Variants in ARHGAP35 observed in about 807,000 individuals in gnomAD.
ARHGAP35 encodes Rho GTPase activating protein 35, also known as rho GTPase-activating protein 35.
In ARHGAP35, 15 loss-of-function variants were observed where a neutral mutation model predicts 111.1. That is an observed-to-expected ratio of 0.13 (90% CI 0.09 to 0.21). The LOEUF (loss-of-function observed/expected upper bound fraction) is 0.21. Ranked by LOEUF, ARHGAP35 falls within the 10% of genes least tolerant of loss-of-function variation. ARHGAP35 has a pLI of 1.00. For synonymous variants in ARHGAP35, 643 were observed against 710.3 expected (o/e 0.91, Z 1.51); for missense variants, 1,262 against 1,873.0 (o/e 0.67, Z 6.02).
chr19:46,896,316 G>A (rs1174064413), intron 1 of ARHGAP35, among the ~76,000 whole-genome samples: 2 of 152,196 alleles, frequency 1.3e-5, no homozygotes, highest in African/African-American at 4.8e-5. Context: ...GGAGGTCAAG[G>A]CTGCAGTGAG....
chr19:46,973,812 C>T (rs1599858091), intron 3 of ARHGAP35, among the ~76,000 whole-genome samples: 1 of 151,884 alleles, frequency 6.6e-6, no homozygotes, highest in Non-Finnish European at 1.5e-5. Context: ...ATGGTGAAAC[C>T]CCATCTCTAC....
rs1175804030 is a variant in ARHGAP35 at position 46,926,605 on chromosome 19, T to A, written c.3681+4249T>A. Among the ~76,000 whole-genome samples, 1 of 151,924 alleles carries A rather than the reference T, an allele frequency of 6.6e-6. No homozygotes were observed. Among genetic ancestry groups the A allele is most frequent in the Non-Finnish European group, 1.5e-5 (1 of 68,002 alleles). ...ACATTATTGGCTATTTACCCTTCTA[T>A]CTGATGTGTTCTTATTTTGGTGCTA... On this transcript the variant is annotated intron_variant, in intron 2 of 6. Coordinates refer to ENST00000672722, the MANE Select transcript of ARHGAP35 (RefSeq NM_004491.5). The surrounding 1 kb of genome is among the most constrained non-coding windows in gnomAD (Gnocchi z 4.1).
chr19:46,987,125 A>T (rs2056654639), intron 3 of ARHGAP35, among the ~76,000 whole-genome samples: 1 of 151,516 alleles, frequency 6.6e-6, no homozygotes, highest in Non-Finnish European at 1.5e-5. Flanking sequence ...AAGTGCTGGG[A>T]TTACAGGCGT....
chr19:46,873,356 G>T (rs1248138023), intron 1 of ARHGAP35, among the ~76,000 whole-genome samples: 1 of 152,096 alleles, frequency 6.6e-6, no homozygotes, highest in African/African-American at 2.4e-5. Flanking sequence ...AGCCGGCTGG[G>T]CATGGTGGCT....
rs933682050 is a variant in ARHGAP35 at position 47,000,501 on chromosome 19, A to G, written c.4313A>G (p.Asn1438Ser). The G allele has an allele frequency of 2.5e-6, 4 of 1,613,304 alleles. No homozygotes were observed. The highest frequency in any genetic ancestry group is 3.4e-6 in the Non-Finnish European group (4 of 1,179,806). The change falls in exon 7 of 7, where the codon AAT (asparagine) becomes AGT (serine). Residue 1438 changes from asparagine to serine, a missense_variant. By Grantham distance (46) the Asn-to-Ser change is conservative. Transcript: ENST00000672722. The surrounding 1 kb of genome is among the most constrained non-coding windows in gnomAD (Gnocchi z 6.9). Reference sequence around the variant, plus strand: ...CAGCAGTGCCCCTTCTTCTTCTACAATCGGCCCATCACCGAGCCCCCCGGC... The same window carrying G: ...CAGCAGTGCCCCTTCTTCTTCTACAGTCGGCCCATCACCGAGCCCCCCGGC... Reference protein sequence around the residue: ...FIQQCPFFFYNRPITEPPGAR... With the variant: ...FIQQCPFFFYSRPITEPPGAR...
intron 3 of ARHGAP35, among the ~76,000 whole-genome samples, chr19:46,953,292 C>T (rs1427677071): frequency 2.0e-5 from 3 of 151,978 alleles, no homozygotes; most frequent in East Asian, 1.9e-4. Flanking sequence ...ATGAAATGTC[C>T]GGGGTGAACA....
chr19:46,976,165 A>G (rs1599859431), intron 3 of ARHGAP35, among the ~76,000 whole-genome samples: 1 of 150,430 alleles, frequency 6.6e-6, no homozygotes, highest in Admixed American at 6.6e-5. Context: ...TTTACTAACA[A>G]ATTGCTTTCC....
rs1403005913 is a variant in ARHGAP35 at position 46,989,279 on chromosome 19, A to C, written c.3905-265A>C. On this transcript the variant is annotated intron_variant, in intron 4 of 6. Coordinates refer to ENST00000672722, the MANE Select transcript of ARHGAP35 (RefSeq NM_004491.5). This position sits in a 1 kb window ranked among gnomAD's most constrained non-coding sequence, Gnocchi z 5.3. ...ATGAAGGCAAGCTCCTGGCACCAAAAACCAGCATGTGGGGGTAGCACCCCT... is the reference window on the plus strand; with the variant it reads ...ATGAAGGCAAGCTCCTGGCACCAAACACCAGCATGTGGGGGTAGCACCCCT... 9 of 348,352 alleles carry C rather than the reference A, an allele frequency of 2.6e-5. No individual in the cohort carries two copies. Among genetic ancestry groups the C allele is most frequent in the Non-Finnish European group, 4.9e-5 (9 of 182,310 alleles). The allele number at this position is 348,352 out of a possible 1,614,324, so 21.6% of individuals were successfully genotyped here.
At position 46,921,596 on chromosome 19, in the gene ARHGAP35, G is replaced by A. The variant is rs773073749; in HGVS notation, c.2921G>A (p.Gly974Glu). 1 of 1,613,944 alleles carries A rather than the reference G, an allele frequency of 6.2e-7. No individual in the cohort carries two copies. Among genetic ancestry groups the A allele is most frequent in the South Asian group, 1.1e-5 (1 of 91,072 alleles). ...GAGGTGTTTAACTCCCCCCGGGCAG[G>A]ATCACCGCTCTGCAACTCAAACCTG... ...TEEVFNSPRAGSPLCNSNLQD... is the reference protein window; with the variant it reads ...TEEVFNSPRAESPLCNSNLQD... Residue 974 changes from glycine (G) to glutamate (E), a missense_variant, in exon 2 of 7, where the codon GGA (glycine) becomes GAA (glutamate). Gly to Glu is a moderately conservative substitution (Grantham distance 98). Transcript: ENST00000672722. The surrounding 1 kb of genome is among the most constrained non-coding windows in gnomAD (Gnocchi z 4.3).
At position 47,001,273 on chromosome 19, in the gene ARHGAP35, G is replaced by C; in HGVS notation, c.*585G>C. ...CTGCAGATCAGAACAACGGAGGATA[G>C]CTTTGTGCCTGGACCCAGAGAGTGT... On this transcript the variant is annotated 3_prime_UTR_variant, in exon 7 of 7. Transcript: ENST00000672722. The surrounding 1 kb of genome is among the most constrained non-coding windows in gnomAD (Gnocchi z 5.4). 7.8e-7 allele frequency: 1 copy of C among 1,290,178 alleles called. No individual in the cohort carries two copies. The highest frequency in any genetic ancestry group is 1.2e-5 in the South Asian group (1 of 80,966). The allele number at this position is 1,290,178 out of a possible 1,614,324, so 79.9% of individuals were successfully genotyped here. A position where few individuals can be genotyped will look rare whatever the true frequency, so the allele number is the denominator to read the frequency against.
At chr19:46,960,566 G>A (rs945314757) in intron 3 of ARHGAP35, among the ~76,000 whole-genome samples, 1 of 152,118 alleles carries the variant, frequency 6.6e-6, no homozygotes, top group Non-Finnish European at 1.5e-5. Context: ...ACGTATTTCT[G>A]TATTGTGTGA....
chr19:46,981,781 C>T (rs1215041354), intron 3 of ARHGAP35, among the ~76,000 whole-genome samples: 35 of 152,174 alleles, frequency 2.3e-4, no homozygotes, highest in Admixed American at 2.3e-3. Context: ...CCAGCTCTCA[C>T]CGGAGGGCCG....
chr19:46,861,095 C>T lies in ARHGAP35; in HGVS notation c.-303C>T, dbSNP rs1478852094. Among the ~76,000 whole-genome samples, 8 of 151,172 alleles carry T rather than the reference C, an allele frequency of 5.3e-5. No individual in the cohort carries two copies. In the East Asian group the frequency reaches 1.6e-3, roughly 30 times the overall value. On this transcript the variant is annotated 5_prime_UTR_variant, in exon 1 of 7. Transcript: ENST00000672722. Reference sequence around the variant, plus strand: ...TCCGCCCGGCCCCCCGCCGCCGGAGCCGCCGCCGCCGCCTCAGCCGCCGCT... The same window carrying T: ...TCCGCCCGGCCCCCCGCCGCCGGAGTCGCCGCCGCCGCCTCAGCCGCCGCT...
chr19:46,965,084 G>A (rs1210928449), intron 3 of ARHGAP35, among the ~76,000 whole-genome samples: 4 of 152,106 alleles, frequency 2.6e-5, no homozygotes, highest in Admixed American at 1.3e-4. Flanking sequence ...AGGCCGAGGC[G>A]GGCGGATCAC....
chr19:46,989,484 G>A lies in ARHGAP35; in HGVS notation c.3905-60G>A, dbSNP rs2056668457. 1 of 1,606,208 alleles carries A rather than the reference G, an allele frequency of 6.2e-7. No individual in the cohort carries two copies. The highest frequency in any genetic ancestry group is 1.1e-5 in the South Asian group (1 of 90,286). On this transcript the variant is annotated intron_variant, in intron 4 of 6. Coordinates refer to ENST00000672722, the MANE Select transcript of ARHGAP35 (RefSeq NM_004491.5). This position sits in a 1 kb window ranked among gnomAD's most constrained non-coding sequence, Gnocchi z 5.3. ...TCTAGCCTCTCCTGAGCCCCGAGTT[G>A]TCCTGATGCTTCTGCCTGGCTTAGA...
chr19:46,985,369 G>A (rs1183738557), intron 3 of ARHGAP35, among the ~76,000 whole-genome samples: 1 of 152,188 alleles, frequency 6.6e-6, no homozygotes, highest in Non-Finnish European at 1.5e-5. Context: ...AGAAACGGGG[G>A]TGCTGTGGTC....
At chr19:46,866,637 C>T (rs2055859170) in intron 1 of ARHGAP35, among the ~76,000 whole-genome samples, 1 of 152,146 alleles carries the variant, frequency 6.6e-6, no homozygotes, top group African/African-American at 2.4e-5. Flanking sequence ...CTCTTTGATT[C>T]CTCTCTCACC....
chr19:46,968,446 G>A (rs755831211), intron 3 of ARHGAP35, among the ~76,000 whole-genome samples: 8 of 152,170 alleles, frequency 5.3e-5, no homozygotes, highest in Non-Finnish European at 1.2e-4. Flanking sequence ...CTCGGCTGGA[G>A]GCCAGCCACA....
chr19:46,885,819 A>T (rs1342090128), intron 1 of ARHGAP35, among the ~76,000 whole-genome samples: 1 of 151,850 alleles, frequency 6.6e-6, no homozygotes, highest in Non-Finnish European at 1.5e-5. Flanking sequence ...CTTTTTAGAG[A>T]TGAGTTCTCA....
Sources: allele counts gnomAD v4.1 joint callset (sites outside exome capture counted in the v4.1 genomes callset), GRCh38; gene constraint gnomAD v4.1.1; non-coding constraint Gnocchi (gnomAD v3.1); transcripts MANE v1.5; gene names NCBI Gene and HGNC (gene_info 2026-07-23, HGNC 2026-07-21).